Variants in ECE1 observed in about 807,000 individuals in gnomAD.
ECE1 encodes endothelin converting enzyme 1.
In ECE1, 35 loss-of-function variants were observed where a neutral mutation model predicts 98.6. The ratio of observed to expected loss-of-function variants is 0.35; its 90% CI spans 0.27 to 0.47. The LOEUF is 0.47. Among genes scored for constraint, ECE1 ranks in the 20% least tolerant of loss-of-function variants. The pLI is 1.00. For synonymous variants in ECE1, 394 were observed against 407.1 expected, an observed-to-expected ratio of 0.97 and a Z score of 0.39; for missense variants, 814 against 1,025.3, an observed-to-expected ratio of 0.79 and a Z score of 2.81.
chr1:21,241,677 G>A (rs1352824543), intron 10 of ECE1, among the ~76,000 whole-genome samples: 1 of 151,742 alleles, frequency 6.6e-6, no homozygotes, highest in Non-Finnish European at 1.5e-5. Context: ...ACCAGCCTTG[G>A]CCTCCCAAAA....
At chr1:21,269,937 G>T (rs138495823) in intron 4 of ECE1, among the ~76,000 whole-genome samples, 109 of 152,302 alleles carry the variant, frequency 7.2e-4, no homozygotes, top group African/African-American at 2.5e-3. Context: ...TGGCCCATTG[G>T]ATGCAGCTCC....
chr1:21,236,644 T>G (rs1459266744), intron 12 of ECE1, 102 bp downstream of exon 12: 30 of 1,166,898 alleles, frequency 2.6e-5, no homozygotes, highest in Non-Finnish European at 3.7e-5. Context: ...AACGAAACTC[T>G]GCCTCAAAAA....
chr1:21,340,655 A>G lies in ECE1; in HGVS notation c.3+4721T>C, dbSNP rs1167083796. Among the ~76,000 whole-genome samples, 1 of 152,126 alleles carries G rather than the reference A, an allele frequency of 6.6e-6. No individual in the cohort carries two copies. Among genetic ancestry groups the G allele is most frequent in the Non-Finnish European group, 1.5e-5 (1 of 68,018 alleles). On this transcript the variant is annotated intron_variant, in intron 1 of 18. Transcript: ENST00000415912. This position sits in a 1 kb window ranked among gnomAD's most constrained non-coding sequence, Gnocchi z 4.6. ...GCAGTCCAAGACCAGCCTGGGCAAC[A>G]TGGCGAAACCCGGTGTCTACTAAAA...
intron 9 of ECE1, 114 bp downstream of exon 9, chr1:21,247,107 G>C (rs12742244): frequency 0.071 from 104,042 of 1,474,276 alleles, 4,208 homozygotes; most frequent in Non-Finnish European, 0.083. Flanking sequence ...TCTCGTAAAA[G>C]CCCGCCCAGG....
At chr1:21,320,422 A>T (rs558884987) in intron 1 of ECE1, among the ~76,000 whole-genome samples, 241 of 127,136 alleles carry the variant, frequency 1.9e-3, no homozygotes, top group African/African-American at 8.6e-3. Flanking sequence ...AAGCTTTTTA[A>T]AAAAAATTTA....
At position 21,279,516 on chromosome 1, in the gene ECE1, G is replaced by A. The variant is rs974021579; in HGVS notation, c.139-184C>T. The A allele has an allele frequency of 2.0e-6, 3 of 1,474,022 alleles. No homozygotes were observed. The African/African-American group carries it at 4.2e-5, about 21-fold the overall frequency. The allele number at this position is 1,474,022 out of a possible 1,614,324, so 91.3% of individuals were successfully genotyped here. A position where few individuals can be genotyped will look rare whatever the true frequency, so the allele number is the denominator to read the frequency against. The stretch of plus-strand genomic sequence containing the variant: ...AGGAAAGGAACAGCCACCCTGCTCA[G>A]CTGCTCGGATCTGCTCCCAAACATC... On this transcript the variant is annotated intron_variant, in intron 2 of 18. Transcript: ENST00000374893.
chr1:21,319,339 C>T lies in ECE1; in HGVS notation c.3+26037G>A, dbSNP rs575863149. Among the ~76,000 whole-genome samples the T allele has an allele frequency of 5.9e-5, 9 of 151,868 alleles. No individual in the cohort carries two copies. The highest frequency in any genetic ancestry group is 1.0e-4 in the Non-Finnish European group (7 of 68,000). ...CAGCCTGGGAGACAGAGCGAGACTCCGTCTCAAAATAATAATAATCATAAT... is the reference window on the plus strand; with the variant it reads ...CAGCCTGGGAGACAGAGCGAGACTCTGTCTCAAAATAATAATAATCATAAT... On this transcript the variant is annotated intron_variant, in intron 1 of 18. Coordinates refer to the ECE1 transcript ENST00000415912. The surrounding 1 kb of genome is among the most constrained non-coding windows in gnomAD (Gnocchi z 4.4).
intron 8 of ECE1, among the ~76,000 whole-genome samples, chr1:21,248,123 A>G (rs1056176494): frequency 3.3e-5 from 5 of 152,028 alleles, no homozygotes; most frequent in Admixed American, 6.6e-5. Flanking sequence ...TCAGCAAGAA[A>G]GGAAAAGCCC....
At position 21,322,694 on chromosome 1, in the gene ECE1, G is replaced by A. The variant is rs543420505; in HGVS notation, c.3+22682C>T. Among the ~76,000 whole-genome samples, 2 of 152,298 alleles carry A rather than the reference G, an allele frequency of 1.3e-5. No individual in the cohort carries two copies. The highest frequency in any genetic ancestry group is 1.9e-4 in the East Asian group (1 of 5,184). On this transcript the variant is annotated intron_variant, in intron 1 of 18. Coordinates refer to the ECE1 transcript ENST00000415912. The surrounding 1 kb of genome is among the most constrained non-coding windows in gnomAD (Gnocchi z 4.1). ...GGGGAAAAGGACAAGAAAACCCAGCGATGGAGAGGAGAGGCACAGGAAAGG... is the reference window on the plus strand; with the variant it reads ...GGGGAAAAGGACAAGAAAACCCAGCAATGGAGAGGAGAGGCACAGGAAAGG...
At chr1:21,247,013 G>A (rs1036851233) in intron 9 of ECE1, among the ~76,000 whole-genome samples, 1 of 152,196 alleles carries the variant, frequency 6.6e-6, no homozygotes, top group Non-Finnish European at 1.5e-5. Context: ...GAAAGGTTAC[G>A]AAATTTGCCC....
At position 21,327,037 on chromosome 1, in the gene ECE1, G is replaced by T. The variant is rs1357269866; in HGVS notation, c.3+18339C>A. On this transcript the variant is annotated intron_variant, in intron 1 of 18. Transcript: ENST00000415912. The surrounding 1 kb of genome is among the most constrained non-coding windows in gnomAD (Gnocchi z 4.6). ...GTCCTGAGGGCCCTGGTCTCGCTGGGGTCGCATAGGTCACATGGAAAGAAT... is the reference window on the plus strand; with the variant it reads ...GTCCTGAGGGCCCTGGTCTCGCTGGTGTCGCATAGGTCACATGGAAAGAAT... Among the ~76,000 whole-genome samples, 1 of 152,150 alleles carries T rather than the reference G, an allele frequency of 6.6e-6. No individual in the cohort carries two copies. The highest frequency in any genetic ancestry group is 2.1e-4 in the South Asian group (1 of 4,832).
intron 4 of ECE1, among the ~76,000 whole-genome samples, chr1:21,265,493 CTG>C (rs1374311166): frequency 2.0e-5 from 3 of 152,192 alleles, no homozygotes; most frequent in Non-Finnish European, 4.4e-5. Flanking sequence ...GATAGCGCCA[CTG>C]TACTCCAGCC....
rs751732947 is a variant in ECE1 at position 21,238,248 on chromosome 1, G to GA, written c.1279-5dup. ...ACTTCCAGCGAGGAAGACAGGTCTG[G>GA]AAAACACAAGTCAGGGGGCTCGCTG... On this transcript the variant is annotated splice_polypyrimidine_tract_variant and splice_region_variant and intron_variant, in intron 10 of 18. Transcript: ENST00000374893. 2.5e-6 allele frequency: 4 copies of GA among 1,612,820 alleles called. No homozygotes were observed. In the South Asian group the frequency reaches 4.4e-5, roughly 18 times the overall value.
intron 8 of ECE1, among the ~76,000 whole-genome samples, chr1:21,254,968 T>C (rs751923608): frequency 5.8e-4 from 88 of 152,258 alleles, no homozygotes; most frequent in Non-Finnish European, 1.0e-3. Flanking sequence ...CACCCCTGGC[T>C]CCCAGGGCCC....
At chr1:21,343,754 C>T (rs1448788096) in intron 1 of ECE1, among the ~76,000 whole-genome samples, 1 of 152,172 alleles carries the variant, frequency 6.6e-6, no homozygotes. Flanking sequence ...GGCTGGTGGG[C>T]TTCTTCAGTT....
At chr1:21,243,035 C>T (rs774937336) in intron 10 of ECE1, among the ~76,000 whole-genome samples, 2 of 152,180 alleles carry the variant, frequency 1.3e-5, no homozygotes, top group Non-Finnish European at 1.5e-5. Context: ...CCTTGGCAAC[C>T]ACAGGGAAGC....
At chr1:21,308,753 C>A (rs573110689) in intron 1 of ECE1, among the ~76,000 whole-genome samples, 1 of 151,524 alleles carries the variant, frequency 6.6e-6, no homozygotes, top group South Asian at 2.1e-4. Flanking sequence ...TACTGAGGGG[C>A]GAGCTGGGGC....
rs1300740756 is a variant in ECE1 at position 21,219,163 on chromosome 1, C to T, written c.*792G>A. 1 of 152,406 alleles carries T rather than the reference C, an allele frequency of 6.6e-6. No individual in the cohort carries two copies. The highest frequency in any genetic ancestry group is 1.9e-4 in the East Asian group (1 of 5,200). The allele number at this position is 152,406 out of a possible 1,614,324, so 9.4% of individuals were successfully genotyped here. ...CCCGACCTCATTCTGCTATAGCCAT[C>T]AGTCCCCTGCTGTGGCTTTGGGGAT... On this transcript the variant is annotated 3_prime_UTR_variant, in exon 19 of 19. Coordinates refer to ENST00000374893, the MANE Select transcript of ECE1 (RefSeq NM_001397.3). This position sits in a 1 kb window ranked among gnomAD's most constrained non-coding sequence, Gnocchi z 4.5.
At chr1:21,342,961 C>G (rs1639430765) in intron 1 of ECE1, among the ~76,000 whole-genome samples, 1 of 152,214 alleles carries the variant, frequency 6.6e-6, no homozygotes, top group South Asian at 2.1e-4. Context: ...CCCTCTTTCT[C>G]TTTTGTTTCC....
Sources: gnomAD v4.1 joint callset for allele counts (sites outside exome capture counted in the v4.1 genomes callset) on GRCh38, gnomAD v4.1.1 for gene constraint, Gnocchi (gnomAD v3.1) non-coding constraint, MANE v1.5 for transcripts, NCBI Gene and HGNC (gene_info 2026-07-23, HGNC 2026-07-21) for gene names.